COBLL1: variants seen among roughly 807,000 people sequenced by gnomAD.
COBLL1 encodes cordon-bleu protein-like 1.
A neutral mutation model predicts 94.8 loss-of-function variants in COBLL1; 50 were observed. That is an observed-to-expected ratio of 0.53 (90% CI 0.42 to 0.67). The LOEUF is 0.67. Among genes scored for constraint, COBLL1 ranks in the 30% least tolerant of loss-of-function variants. COBLL1 has a pLI of 0.00. For synonymous variants in COBLL1, 448 were observed against 473.8 expected (o/e 0.95, Z 0.71); for missense variants, 1,362 against 1,348.7 (o/e 1.01, Z -0.15).
chr2:164,839,495 T>C (rs567462028), intron 2 of COBLL1, among the ~76,000 whole-genome samples: 14 of 152,330 alleles, frequency 9.2e-5, no homozygotes, highest in Non-Finnish European at 1.9e-4. Context: ...CAGCAAAAAG[T>C]GTTCTTCTGT....
chr2:164,841,830 G>A (rs1163030281), upstream of COBLL1: 1 of 655,952 alleles, frequency 1.5e-6, no homozygotes, highest in South Asian at 2.0e-5. This position sits in a 1 kb window ranked among gnomAD's most constrained non-coding sequence, Gnocchi z 5.5. Context: ...GAATGGAGAA[G>A]CGGCAACCCC....
At chr2:164,758,656 C>A (rs539891771) in intron 2 of COBLL1, among the ~76,000 whole-genome samples, 6 of 152,064 alleles carry the variant, frequency 3.9e-5, no homozygotes, top group Admixed American at 6.6e-5. Context: ...GTGACTGACA[C>A]TACAATTAAA....
At chr2:164,697,909 C>A (rs781512398) in intron 11 of COBLL1, 2 of 151,888 alleles carry the variant, frequency 1.3e-5, no homozygotes, top group South Asian at 4.1e-4. Context: ...CTATAGTGAC[C>A]CTCTACTCAA....
chr2:164,741,742 G>A (rs1389550942), intron 3 of COBLL1, among the ~76,000 whole-genome samples: 1 of 152,038 alleles, frequency 6.6e-6, no homozygotes, highest in Non-Finnish European at 1.5e-5. Context: ...CTGGAGGGAG[G>A]GTGGGAAAAA....
At position 164,841,701 on chromosome 2, in the gene COBLL1, G is replaced by T; in HGVS notation, c.-51+9C>A. 2.2e-6 allele frequency: 1 copy of T among 458,440 alleles called. No homozygotes were observed. The highest frequency in any genetic ancestry group is 3.7e-5 in the East Asian group (1 of 26,694). The allele number at this position is 458,440 out of a possible 1,614,324, so 28.4% of individuals were successfully genotyped here. On this transcript the variant is annotated intron_variant, in intron 1 of 13. Coordinates refer to ENST00000652658, the MANE Select transcript of COBLL1 (RefSeq NM_001365672.2). The surrounding 1 kb of genome is among the most constrained non-coding windows in gnomAD (Gnocchi z 5.5). Reference sequence around the variant, plus strand: ...GGCTGATCTCTCTTTTCCCACCCAAGGCTCCTACGTTCTTTTCCAAAGGAG... The same window carrying T: ...GGCTGATCTCTCTTTTCCCACCCAATGCTCCTACGTTCTTTTCCAAAGGAG...
chr2:164,754,916 G>T (rs1389237788), intron 2 of COBLL1, among the ~76,000 whole-genome samples: 1 of 152,090 alleles, frequency 6.6e-6, no homozygotes, highest in Non-Finnish European at 1.5e-5. Flanking sequence ...GCCCACACCT[G>T]TAATCTCAGC....
At chr2:164,710,658 G>A (rs541154918) in intron 7 of COBLL1, among the ~76,000 whole-genome samples, 198 of 151,236 alleles carry the variant, frequency 1.3e-3, no homozygotes, top group African/African-American at 4.6e-3. Flanking sequence ...TCCGCCTCCC[G>A]GGTTCAAGCA....
chr2:164,769,742 A>T (rs986453882), intron 2 of COBLL1, among the ~76,000 whole-genome samples: 1 of 152,142 alleles, frequency 6.6e-6, no homozygotes, highest in Admixed American at 6.6e-5. Context: ...ATGCATGGGA[A>T]ATAACTCTAA....
chr2:164,841,884 C>G (rs1683643556), upstream of COBLL1: 14 of 1,193,796 alleles, frequency 1.2e-5, no homozygotes, highest in Non-Finnish European at 1.5e-5. This position sits in a 1 kb window ranked among gnomAD's most constrained non-coding sequence, Gnocchi z 5.5. Flanking sequence ...TCAGCACCTC[C>G]CCTGTCCCGC....
intron 5 of COBLL1, chr2:164,723,025 G>A (rs886751354): frequency 6.6e-6 from 1 of 152,030 alleles, no homozygotes; most frequent in Admixed American, 6.6e-5. Flanking sequence ...TCTTTAATAG[G>A]GTGGGTCTCA....
At chr2:164,740,278 G>A (rs772136479) in intron 3 of COBLL1, among the ~76,000 whole-genome samples, 1 of 152,092 alleles carries the variant, frequency 6.6e-6, no homozygotes, top group African/African-American at 2.4e-5. Context: ...TGGGAAGATT[G>A]CTTGAGTCTG....
chr2:164,663,346 T>G (rs1046817170), intron 2 of COBLL1, among the ~76,000 whole-genome samples: 39 of 152,196 alleles, frequency 2.6e-4, no homozygotes, highest in African/African-American at 9.4e-4. Flanking sequence ...TAAAGTCCTT[T>G]TTGAATGCTT....
chr2:164,771,672 G>A (rs1688210760), intron 2 of COBLL1, among the ~76,000 whole-genome samples: 1 of 151,942 alleles, frequency 6.6e-6, no homozygotes, highest in African/African-American at 2.4e-5. Flanking sequence ...GAAAGCACGA[G>A]TTTCTAATTG....
downstream of COBLL1, among the ~76,000 whole-genome samples, chr2:164,675,562 TA>T (rs888137135): frequency 1.3e-5 from 2 of 152,118 alleles, no homozygotes; most frequent in Admixed American, 6.6e-5. Flanking sequence ...AGATTTTTCT[TA>T]AAAAATAAAA....
intron 2 of COBLL1, among the ~76,000 whole-genome samples, chr2:164,746,412 G>A (rs1686860382): frequency 6.6e-6 from 1 of 152,042 alleles, no homozygotes. Context: ...TAAAATACAA[G>A]TCAGCTCACT....
intron 2 of COBLL1, among the ~76,000 whole-genome samples, chr2:164,801,643 C>T (rs1282460681): frequency 1.3e-5 from 2 of 151,904 alleles, no homozygotes; most frequent in East Asian, 3.9e-4. Context: ...TAATAAACTC[C>T]TAGAAGTATA....
At chr2:164,795,685 C>A (rs1406550882) in intron 2 of COBLL1, among the ~76,000 whole-genome samples, 1 of 152,016 alleles carries the variant, frequency 6.6e-6, no homozygotes, top group Non-Finnish European at 1.5e-5. Flanking sequence ...AGACTAAAGG[C>A]ACCACATTAG....
chr2:164,680,699 TA>T lies in COBLL1; in HGVS notation c.*5246del, dbSNP rs1682999080. 1 of 152,144 alleles carries T rather than the reference TA, an allele frequency of 6.6e-6. No individual in the cohort carries two copies. The highest frequency in any genetic ancestry group is 2.4e-5 in the African/African-American group (1 of 41,434). 9.4% of individuals were successfully genotyped at this position (152,144 alleles called of 1,614,324 possible). On this transcript the variant is annotated 3_prime_UTR_variant, in exon 14 of 14. Transcript: ENST00000652658. ...ATGCCTAGTTAGCTTGAACGTCAGA[TA>T]AACAATATAAAAATATAAGTATATC...
intron 2 of COBLL1, among the ~76,000 whole-genome samples, chr2:164,818,155 C>T (rs1206544325): frequency 1.3e-5 from 2 of 149,946 alleles, no homozygotes; most frequent in Admixed American, 1.3e-4. Context: ...TACATGTATA[C>T]GTGTATGTAT....
Sources: allele counts gnomAD v4.1 joint callset (sites outside exome capture counted in the v4.1 genomes callset), GRCh38; gene constraint gnomAD v4.1.1; non-coding constraint Gnocchi (gnomAD v3.1); transcripts MANE v1.5; gene names NCBI Gene and HGNC (gene_info 2026-07-23, HGNC 2026-07-21).